The following DLGAP2 variants were observed in gnomAD, a reference collection of about 807,000 sequenced individuals.
The protein encoded by DLGAP2 is disks large-associated protein 2.
In DLGAP2, 26 loss-of-function variants were observed where a neutral mutation model predicts 100.3. That is an observed-to-expected ratio of 0.26 (90% CI 0.19 to 0.36). The LOEUF is 0.36. Among genes scored for constraint, DLGAP2 ranks in the 10% least tolerant of loss-of-function variants. DLGAP2 has a pLI of 1.00. For missense variants in DLGAP2, 1,858 were observed against 1,453.2 expected (o/e 1.28, Z -4.53); for synonymous variants, 886 against 630.1 (o/e 1.41, Z -6.08).
chr8:1,280,065 C>G (rs745891122), intron 3 of DLGAP2, among the ~76,000 whole-genome samples: 1 of 152,222 alleles, frequency 6.6e-6, no homozygotes, highest in Non-Finnish European at 1.5e-5. Context: ...CACGTAAGGT[C>G]TGGAAGTTTT....
chr8:1,353,758 G>C (rs2129636345), intron 3 of DLGAP2, among the ~76,000 whole-genome samples: 1 of 152,206 alleles, frequency 6.6e-6, no homozygotes, highest in Middle Eastern at 3.4e-3. Flanking sequence ...ATAGGTCAAA[G>C]AACCTTGTAA....
intron 2 of DLGAP2, among the ~76,000 whole-genome samples, chr8:1,240,577 C>CGTGTCTAGTTCTCTCACATGGTGCT: frequency 7.0e-6 from 1 of 142,212 alleles, no homozygotes; most frequent in Admixed American, 7.1e-5. Flanking sequence ...TACATGGCGC[C>CGTGTCTAGTTCTCTCACATGGTGCT]GTGTCTAGTT....
intron 3 of DLGAP2, among the ~76,000 whole-genome samples, chr8:1,436,116 A>G (rs1162034931): frequency 6.6e-6 from 1 of 152,178 alleles, no homozygotes; most frequent in African/African-American, 2.4e-5. Context: ...TTTATTGAGG[A>G]GAATTGACTC....
intron 2 of DLGAP2, among the ~76,000 whole-genome samples, chr8:932,200 C>G (rs759162992): frequency 1.2e-4 from 19 of 152,200 alleles, no homozygotes; most frequent in Non-Finnish European, 2.5e-4. Context: ...TAGACACTTT[C>G]CTGACCAAAG....
intron 1 of DLGAP2, among the ~76,000 whole-genome samples, chr8:746,256 A>G (rs192520419): frequency 2.6e-5 from 4 of 152,316 alleles, no homozygotes; most frequent in African/African-American, 4.8e-5. Flanking sequence ...TTTTCTGATC[A>G]TATCTGGCAT....
At position 1,277,286 on chromosome 8, in the gene DLGAP2, C is replaced by G. The variant is rs1018063422; in HGVS notation, c.106+18403C>G. 3.3e-5 allele frequency among the ~76,000 whole-genome samples: 5 copies of G among 152,070 alleles called. No individual in the cohort carries two copies. In the South Asian group the frequency reaches 1.0e-3, roughly 32 times the overall value. ...AGACGTATATCTGTGCCTATGTAGC[C>G]CCCCCAGTTATTTGGTAACTGTATT... On this transcript the variant is annotated intron_variant, in intron 3 of 14. Coordinates refer to ENST00000637795, the MANE Select transcript of DLGAP2 (RefSeq NM_001346810.2).
chr8:1,391,411 G>T (rs1017220107), intron 3 of DLGAP2, among the ~76,000 whole-genome samples: 1 of 152,166 alleles, frequency 6.6e-6, no homozygotes, highest in Non-Finnish European at 1.5e-5. Flanking sequence ...GCTTATCCAG[G>T]GACACCAGGC....
At chr8:956,468 C>T (rs1367608466) in intron 2 of DLGAP2, among the ~76,000 whole-genome samples, 1 of 152,168 alleles carries the variant, frequency 6.6e-6, no homozygotes, top group South Asian at 2.1e-4. Context: ...ACCCTCTCAG[C>T]TCTGAGAATC....
At chr8:1,174,690 TACCATCACCACCACTATC>T (rs796998300) in intron 2 of DLGAP2, among the ~76,000 whole-genome samples, 10,825 of 150,836 alleles carry the variant, frequency 0.072, 1,097 homozygotes, top group African/African-American at 0.23. Context: ...CCATCATCAT[TACCATCACCACCACTATC>T]ACCATCACCA....
intron 2 of DLGAP2, among the ~76,000 whole-genome samples, chr8:1,007,706 TG>T (rs1384014304): frequency 6.6e-6 from 1 of 151,748 alleles, no homozygotes; most frequent in Non-Finnish European, 1.5e-5. Context: ...TAGCAATACC[TG>T]CCAGCAGTGA....
chr8:864,411 A>T (rs1345148700), intron 1 of DLGAP2, among the ~76,000 whole-genome samples: 6 of 152,212 alleles, frequency 3.9e-5, no homozygotes, highest in African/African-American at 1.2e-4. Flanking sequence ...CCATTGCACA[A>T]AGTCTCTGTG....
chr8:883,725 G>A (rs560920404), intron 1 of DLGAP2, among the ~76,000 whole-genome samples: 4 of 152,114 alleles, frequency 2.6e-5, no homozygotes, highest in Non-Finnish European at 4.4e-5. Flanking sequence ...CGTTCGTTAC[G>A]TAGGAGCGCG....
chr8:798,617 C>T (rs562668352), intron 1 of DLGAP2, among the ~76,000 whole-genome samples: 2 of 135,446 alleles, frequency 1.5e-5, no homozygotes, highest in African/African-American at 5.9e-5. Context: ...CCTGCAGCCC[C>T]GTGCCCCGGT....
At chr8:1,600,707 C>T (rs528008577) in intron 6 of DLGAP2, among the ~76,000 whole-genome samples, 2 of 152,128 alleles carry the variant, frequency 1.3e-5, no homozygotes, top group African/African-American at 4.8e-5. Context: ...TCTCATGCTG[C>T]GTTTTTCAGC....
intron 3 of DLGAP2, among the ~76,000 whole-genome samples, chr8:1,339,467 G>A (rs1337532366): frequency 2.0e-5 from 3 of 152,228 alleles, no homozygotes; most frequent in Non-Finnish European, 4.4e-5. Flanking sequence ...GGAGCACACA[G>A]GGACCCTCCC....
At chr8:1,683,603 G>A (rs1403573006) in intron 12 of DLGAP2, among the ~76,000 whole-genome samples, 1 of 150,540 alleles carries the variant, frequency 6.6e-6, no homozygotes, top group Non-Finnish European at 1.5e-5. Flanking sequence ...ACATCGCCTG[G>A]CACAGAGTGC....
chr8:793,243 C>T lies in DLGAP2; in HGVS notation c.18+55418C>T, dbSNP rs533186706. Among the ~76,000 whole-genome samples, 3 of 152,334 alleles carry T rather than the reference C, an allele frequency of 2.0e-5. No homozygotes were observed. The East Asian group carries it at 5.8e-4, about 29-fold the overall frequency. ...ATGTCTAAAAATATGTTTATTCCCA[C>T]ATAAAATCTAATTTTACGGAGCATT... On this transcript the variant is annotated intron_variant, in intron 1 of 14. Coordinates refer to ENST00000637795, the MANE Select transcript of DLGAP2 (RefSeq NM_001346810.2).
intron 3 of DLGAP2, among the ~76,000 whole-genome samples, chr8:1,325,554 C>A (rs112884355): frequency 1.3e-5 from 2 of 152,196 alleles, no homozygotes; most frequent in Non-Finnish European, 2.9e-5. Context: ...CAAATTAAAT[C>A]TAGTTAACGT....
At chr8:801,730 C>T (rs974885733) in intron 1 of DLGAP2, among the ~76,000 whole-genome samples, 20 of 152,150 alleles carry the variant, frequency 1.3e-4, no homozygotes, top group South Asian at 1.0e-3. Context: ...AGCAATGTGA[C>T]TTTCAGCTCA....
Sources: gnomAD v4.1 joint callset for allele counts (sites outside exome capture counted in the v4.1 genomes callset) on GRCh38, gnomAD v4.1.1 for gene constraint, MANE v1.5 for transcripts, NCBI Gene and HGNC (gene_info 2026-07-23, HGNC 2026-07-21) for gene names.